Variants in PRDM2 observed in about 807,000 individuals in gnomAD.
PRDM2 encodes PR/SET domain 2.
In PRDM2, 30 loss-of-function variants were observed where a neutral mutation model predicts 130.0. That is an observed-to-expected ratio of 0.23 (90% CI 0.17 to 0.31). PRDM2 has a LOEUF of 0.31. Among genes scored for constraint, PRDM2 ranks in the 10% least tolerant of loss-of-function variants. PRDM2 has a pLI of 1.00. For synonymous variants in PRDM2, 871 were observed against 782.4 expected (o/e 1.11, Z -1.89); for missense variants, 2,011 against 2,108.4 (o/e 0.95, Z 0.90).
chr1:13,803,998 G>A lies in PRDM2; in HGVS notation c.5037-12429G>A, dbSNP rs903177878. Among the ~76,000 whole-genome samples, 3 of 152,130 alleles carry A rather than the reference G, an allele frequency of 2.0e-5. No individual in the cohort carries two copies. Among genetic ancestry groups the A allele is most frequent in the African/African-American group, 2.4e-5 (1 of 41,426 alleles). On this transcript the variant is annotated intron_variant, in intron 8 of 9. Transcript: ENST00000311066. The surrounding 1 kb of genome is among the most constrained non-coding windows in gnomAD (Gnocchi z 6.2). Reference sequence around the variant, plus strand: ...GAAGAAAAATGTGTCTGCTGAGGCCGACTTCAGCCCTGAAATCAGATCTGG... The same window carrying A: ...GAAGAAAAATGTGTCTGCTGAGGCCAACTTCAGCCCTGAAATCAGATCTGG...
chr1:13,813,269 A>G (rs2100760544), intron 8 of PRDM2, among the ~76,000 whole-genome samples: 1 of 152,330 alleles, frequency 6.6e-6, no homozygotes, highest in Admixed American at 6.5e-5. Context: ...ACCAAGAATC[A>G]TGAGGCTCTG....
rs147431796 is a variant in PRDM2 at position 13,782,589 on chromosome 1, T to G, written c.4794T>G (p.Asn1598Lys). The change falls in exon 8 of 10, where the codon AAT becomes AAG. Residue 1598 changes from asparagine to lysine, a missense_variant. Asn to Lys is a moderately conservative substitution (Grantham distance 94). This residue lies in a region of PRDM2 where 410 missense variants were observed against 395.9 expected (regional missense o/e 1.04). Coordinates refer to ENST00000311066, the MANE Select transcript of PRDM2 (RefSeq NM_001393986.1). ...AAAAACCTAAAGCTGTGGCCAAGAA[T>G]CATTCTGCTCAGCTTTCCAGCAAAA... ...EGKKPKAVAK[N>K]HSAQLSSKTS... 2.7e-3 allele frequency: 4,408 copies of G among 1,614,134 alleles called. 9 individuals are homozygous for G. Among genetic ancestry groups the G allele is most frequent in the Non-Finnish European group, 3.3e-3 (3,936 of 1,180,032 alleles).
At chr1:13,732,668 G>T in intron 3 of PRDM2, 111 bp from the exon 4 acceptor site, 1 of 704,104 alleles carries the variant, frequency 1.4e-6, no homozygotes, top group Non-Finnish European at 2.3e-6. Context: ...ACATTAGCTT[G>T]ATTTAGGCAG....
At chr1:13,701,776 C>T (rs922680160) in intron 1 of PRDM2, among the ~76,000 whole-genome samples, 5 of 152,170 alleles carry the variant, frequency 3.3e-5, no homozygotes, top group Admixed American at 2.6e-4. Context: ...CTCAACACAT[C>T]TGTTTTGGTT....
At chr1:13,749,869 G>T (rs1643760542) in intron 6 of PRDM2, among the ~76,000 whole-genome samples, 2 of 152,130 alleles carry the variant, frequency 1.3e-5, no homozygotes, top group Admixed American at 1.3e-4. Flanking sequence ...CGCGCACGGC[G>T]GGCGCCCGAG....
intron 2 of PRDM2, chr1:13,717,493 T>A (rs889821090): frequency 3.4e-6 from 3 of 889,170 alleles, no homozygotes; most frequent in Admixed American, 1.2e-4. Flanking sequence ...CAGAAATCAT[T>A]TATTTGATAT....
chr1:13,733,481 G>A (rs1256695720), intron 4 of PRDM2, among the ~76,000 whole-genome samples: 2 of 152,170 alleles, frequency 1.3e-5, no homozygotes, highest in Non-Finnish European at 2.9e-5. Context: ...GCTCCACCCG[G>A]GAGGCCTGTA....
chr1:13,761,940 A>C (rs138885786), intron 6 of PRDM2, among the ~76,000 whole-genome samples: 2 of 152,340 alleles, frequency 1.3e-5, no homozygotes, highest in East Asian at 3.9e-4. Flanking sequence ...CCTGTGAATC[A>C]GCGGAGAACA....
At chr1:13,713,828 T>A (rs1388074418) in intron 1 of PRDM2, among the ~76,000 whole-genome samples, 3 of 152,124 alleles carry the variant, frequency 2.0e-5, no homozygotes, top group Non-Finnish European at 4.4e-5. Flanking sequence ...GGTGTGCACA[T>A]CTGAGGGATC....
At chr1:13,756,617 C>G (rs1040637191) in intron 6 of PRDM2, among the ~76,000 whole-genome samples, 5 of 152,294 alleles carry the variant, frequency 3.3e-5, no homozygotes, top group Non-Finnish European at 4.4e-5. Context: ...AGCTGTTTTT[C>G]TTTTTGCCAC....
chr1:13,749,675 G>T (rs893035536), intron 6 of PRDM2, among the ~76,000 whole-genome samples, 188 bp downstream of exon 6: 37 of 151,306 alleles, frequency 2.4e-4, no homozygotes, highest in Admixed American at 4.6e-4. Context: ...CTGCGGTCCC[G>T]CTCGGGCCCT....
At chr1:13,715,470 C>A (rs903005136) in intron 1 of PRDM2, 71 bp from the exon 2 acceptor site, 22 of 643,936 alleles carry the variant, frequency 3.4e-5, no homozygotes, top group Middle Eastern at 9.2e-4. Context: ...CTCTACAGTT[C>A]TGTATGTGGT....
At chr1:13,797,139 G>A (rs909007860) in intron 8 of PRDM2, among the ~76,000 whole-genome samples, 2 of 152,240 alleles carry the variant, frequency 1.3e-5, no homozygotes, top group Non-Finnish European at 2.9e-5. Context: ...ACCCATGGAA[G>A]TACTGGTAGT....
At chr1:13,718,984 G>A (rs1026878118) in intron 2 of PRDM2, among the ~76,000 whole-genome samples, 1 of 152,108 alleles carries the variant, frequency 6.6e-6, no homozygotes, top group Admixed American at 6.5e-5. Flanking sequence ...ATCCCAGCAT[G>A]TTATGGGTTC....
chr1:13,715,441 A>C (rs1280991163), intron 1 of PRDM2, 100 bp from the exon 2 acceptor site: 5 of 463,336 alleles, frequency 1.1e-5, no homozygotes, highest in Admixed American at 4.4e-5. Flanking sequence ...GTTGCTTTAT[A>C]AATAGCCCTT....
intron 3 of PRDM2, 72 bp downstream of exon 3, chr1:13,731,189 C>A (rs1643095423): frequency 1.6e-6 from 2 of 1,215,510 alleles, no homozygotes; most frequent in African/African-American, 1.5e-5. Context: ...CCTGCAGGGG[C>A]ATGTCAGGTA....
At chr1:13,810,490 T>C (rs1645153522) in intron 8 of PRDM2, among the ~76,000 whole-genome samples, 2 of 47,222 alleles carry the variant, frequency 4.2e-5, no homozygotes, top group South Asian at 5.1e-4. Flanking sequence ...GAGTTCTTTT[T>C]TCTTTTCTTT....
intron 6 of PRDM2, among the ~76,000 whole-genome samples, chr1:13,751,662 T>A (rs1453860374): frequency 1.3e-5 from 2 of 152,184 alleles, no homozygotes; most frequent in African/African-American, 4.8e-5. Context: ...GTTAACTTAG[T>A]ATTGCTGAAA....
chr1:13,794,366 A>G (rs1267315358), intron 8 of PRDM2, among the ~76,000 whole-genome samples: 3 of 152,042 alleles, frequency 2.0e-5, no homozygotes, highest in Non-Finnish European at 4.4e-5. Context: ...TGTTTACTCT[A>G]TGTCTCCCCC....
Sources: gnomAD v4.1 joint callset for allele counts (sites outside exome capture counted in the v4.1 genomes callset) on GRCh38, gnomAD v4.1.1 for gene constraint, gnomAD v4.1.1 regional missense constraint, Gnocchi (gnomAD v3.1) non-coding constraint, MANE v1.5 for transcripts, NCBI Gene and HGNC (gene_info 2026-07-23, HGNC 2026-07-21) for gene names.